The following GALM variants were observed in gnomAD, a reference collection of about 807,000 sequenced individuals.
GALM encodes aldose 1-epimerase.
Under a neutral mutation model 37.4 loss-of-function variants are expected in GALM, and 43 were observed. That is an observed-to-expected ratio of 1.15 (90% CI 0.90 to 1.48). The LOEUF (loss-of-function observed/expected upper bound fraction) is 1.48. Ranked by LOEUF, GALM falls within the 40% of genes most tolerant of loss-of-function variation. The pLI is 0.00. For synonymous variants in GALM, 199 were observed against 170.6 expected (o/e 1.17, Z -1.30); for missense variants, 456 against 419.1 (o/e 1.09, Z -0.77).
intron 4 of GALM, among the ~76,000 whole-genome samples, chr2:38,706,193 C>T (rs1362659805): frequency 2.6e-5 from 4 of 151,680 alleles, no homozygotes; most frequent in East Asian, 2.0e-4. Flanking sequence ...TTAGGAGAGA[C>T]GAGGTTTCAC....
intron 3 of GALM, among the ~76,000 whole-genome samples, chr2:38,684,173 A>G (rs1665469065): frequency 1.3e-5 from 2 of 152,162 alleles, no homozygotes; most frequent in South Asian, 4.1e-4. Context: ...TTTAAATTTA[A>G]TAAGTGGTAT....
intron 4 of GALM, among the ~76,000 whole-genome samples, chr2:38,726,877 C>A (rs3112152): frequency 0.24 from 32,501 of 133,572 alleles, 3,959 homozygotes; most frequent in Admixed American, 0.3. Flanking sequence ...GCCTGGGCAA[C>A]AAGAGCAAAA....
intron 4 of GALM, among the ~76,000 whole-genome samples, chr2:38,723,806 A>C (rs990098358): frequency 2.0e-5 from 3 of 152,080 alleles, no homozygotes; most frequent in Non-Finnish European, 4.4e-5. Flanking sequence ...AACAAACAAA[A>C]AAAAAAGCAA....
chr2:38,673,508 C>T (rs192500735), intron 1 of GALM, among the ~76,000 whole-genome samples: 1 of 152,196 alleles, frequency 6.6e-6, no homozygotes, highest in Non-Finnish European at 1.5e-5. Flanking sequence ...ACAGCCCCTC[C>T]CCTAAAAAGG....
Position 38,683,695 on chromosome 2 carries a change from T to C in GALM, c.552+2209T>C, listed in dbSNP as rs145148582. ...AATTCTCCTGCCTCAGCTTCCCTAG[T>C]AGCTGGGATTACAGGCGCCCACGAC... On this transcript the variant is annotated intron_variant, in intron 3 of 6. Transcript: ENST00000272252. Among the ~76,000 whole-genome samples the C allele has an allele frequency of 9.2e-5, 14 of 152,240 alleles. No individual in the cohort carries two copies. The East Asian group carries it at 2.5e-3, about 27-fold the overall frequency.
At chr2:38,685,784 C>A (rs1298084888) in intron 3 of GALM, among the ~76,000 whole-genome samples, 1 of 152,124 alleles carries the variant, frequency 6.6e-6, no homozygotes, top group Admixed American at 6.5e-5. Context: ...GTGGCGCAAT[C>A]TCGGCTCACG....
chr2:38,675,530 T>TG (rs1160459528), intron 1 of GALM, among the ~76,000 whole-genome samples: 17 of 76,480 alleles, frequency 2.2e-4, no homozygotes, highest in African/African-American at 1.1e-3. Flanking sequence ...TTTTTTGTTT[T>TG]TTTTTTTTTT....
At chr2:38,703,072 A>T (rs1665955322) in intron 4 of GALM, among the ~76,000 whole-genome samples, 1 of 4,484 alleles carries the variant, frequency 2.2e-4, no homozygotes, top group African/African-American at 5.1e-4. Flanking sequence ...ATATATATAT[A>T]TATATATATA....
At chr2:38,675,044 G>A (rs139834557) in intron 1 of GALM, among the ~76,000 whole-genome samples, 2 of 152,208 alleles carry the variant, frequency 1.3e-5, no homozygotes, top group East Asian at 1.9e-4. Context: ...GTGTGGTGGT[G>A]CATGCCTCTA....
intron 4 of GALM, among the ~76,000 whole-genome samples, chr2:38,712,449 A>G (rs948485163): frequency 6.6e-6 from 1 of 152,212 alleles, no homozygotes; most frequent in Non-Finnish European, 1.5e-5. Flanking sequence ...CTTCGCTTTC[A>G]GGTCTCCATT....
At position 38,727,012 on chromosome 2, in the gene GALM, T is replaced by C. The variant is rs143413872; in HGVS notation, c.635-2544T>C. On this transcript the variant is annotated intron_variant, in intron 4 of 6. Coordinates refer to ENST00000272252, the MANE Select transcript of GALM (RefSeq NM_138801.3). ...GGGTGGGTCACTTGAGGTCAGAAGT[T>C]TGAGACCAGCCTGGCCAACATGTTG... Among the ~76,000 whole-genome samples the C allele has an allele frequency of 5.0e-3, 761 of 151,768 alleles. 2 individuals are homozygous for C. Among genetic ancestry groups the C allele is most frequent in the Non-Finnish European group, 8.0e-3 (541 of 67,882 alleles).
At chr2:38,721,939 A>C (rs1287342050) in intron 4 of GALM, among the ~76,000 whole-genome samples, 1 of 151,546 alleles carries the variant, frequency 6.6e-6, no homozygotes, top group African/African-American at 2.4e-5. Flanking sequence ...GATGTCTTTC[A>C]GCTCCAATAA....
At chr2:38,726,227 TTTA>T (rs1473302394) in intron 4 of GALM, among the ~76,000 whole-genome samples, 6 of 33,246 alleles carry the variant, frequency 1.8e-4, no homozygotes. Context: ...TTTTTTTTTT[TTTA>T]TTTTTTTTTT....
chr2:38,689,157 T>C (rs1665612405), intron 3 of GALM, among the ~76,000 whole-genome samples: 1 of 152,144 alleles, frequency 6.6e-6, no homozygotes, highest in African/African-American at 2.4e-5. Flanking sequence ...AATGAGAGTC[T>C]ATGAGGTTAA....
chr2:38,695,772 C>T (rs1665791795), intron 4 of GALM, among the ~76,000 whole-genome samples: 1 of 151,586 alleles, frequency 6.6e-6, no homozygotes, highest in African/African-American at 2.4e-5. Flanking sequence ...CAGCTCTCTG[C>T]AGCAACCTCC....
At chr2:38,683,572 CT>C (rs879504016) in intron 3 of GALM, among the ~76,000 whole-genome samples, 118 of 146,286 alleles carry the variant, frequency 8.1e-4, no homozygotes, top group Middle Eastern at 3.5e-3. Context: ...AGATTGTCCT[CT>C]TTTTTTTTTT....
chr2:38,722,300 C>T (rs1009443989), intron 4 of GALM, among the ~76,000 whole-genome samples: 2 of 152,090 alleles, frequency 1.3e-5, no homozygotes, highest in African/African-American at 2.4e-5. Context: ...ATTAACCCCA[C>T]CCCCTACACC....
At chr2:38,667,716 A>G (rs565765081) in intron 1 of GALM, among the ~76,000 whole-genome samples, 42 of 151,946 alleles carry the variant, frequency 2.8e-4, no homozygotes, top group African/African-American at 8.9e-4. Context: ...GGGCACCTGT[A>G]ATCCCAGCTA....
rs1666270740 is a variant in GALM, at chr2:38,716,331, TAC to T, written c.635-13221_635-13220del. 5.9e-5 allele frequency among the ~76,000 whole-genome samples: 9 copies of T among 152,374 alleles called. 1 individual carries two copies. The South Asian group carries it at 1.7e-3, about 28-fold the overall frequency. ...AGTCCAGAAGGAGGCCCTGGTGTACTACACAAAGTTTTTGCCACATTGCTATG... is the reference window on the plus strand; with the variant it reads ...AGTCCAGAAGGAGGCCCTGGTGTACTACAAAGTTTTTGCCACATTGCTATG... On this transcript the variant is annotated intron_variant, in intron 4 of 6. Transcript: ENST00000272252.
Sources: gnomAD v4.1 joint callset for allele counts (sites outside exome capture counted in the v4.1 genomes callset) on GRCh38, gnomAD v4.1.1 for gene constraint, MANE v1.5 for transcripts, NCBI Gene and HGNC (gene_info 2026-07-23, HGNC 2026-07-21) for gene names.